The following PARD3B variants were observed in gnomAD, a reference collection of about 807,000 sequenced individuals.
PARD3B encodes partitioning defective 3 homolog B.
Under a neutral mutation model 130.2 loss-of-function variants are expected in PARD3B, and 103 were observed. The observed-to-expected ratio is 0.79, with a 90% CI of 0.67 to 0.93. PARD3B has a LOEUF of 0.93. Ranked by LOEUF, PARD3B falls within the 40% of genes least tolerant of loss-of-function variation. The probability of loss-of-function intolerance (pLI) is 0.00; values close to 1 mark genes in which losing one functional copy is unlikely to be tolerated. For synonymous variants in PARD3B, 583 were observed against 553.2 expected (o/e 1.05, Z -0.76); for missense variants, 1,609 against 1,499.2 (o/e 1.07, Z -1.21).
At chr2:205,389,058 A>G (rs1244653383) in intron 18 of PARD3B, among the ~76,000 whole-genome samples, 1 of 152,188 alleles carries the variant, frequency 6.6e-6, no homozygotes, top group Non-Finnish European at 1.5e-5. Flanking sequence ...AATTTCATAG[A>G]AACTTGTGAC....
chr2:204,631,176 T>C (rs1469417187), intron 1 of PARD3B, among the ~76,000 whole-genome samples: 1 of 152,058 alleles, frequency 6.6e-6, no homozygotes, highest in Non-Finnish European at 1.5e-5. Flanking sequence ...TTTCAAAAAA[T>C]TTCTTGATTC....
rs2039336159 is a variant in PARD3B, at chr2:205,241,162, G to GT, written c.2141-4613dup. Among the ~76,000 whole-genome samples the GT allele has an allele frequency of 6.6e-6, 1 of 152,166 alleles. No individual in the cohort carries two copies. The highest frequency in any genetic ancestry group is 2.4e-5 in the African/African-American group (1 of 41,454). On this transcript the variant is annotated intron_variant, in intron 15 of 22. Coordinates refer to ENST00000406610, the MANE Select transcript of PARD3B (RefSeq NM_001302769.2). The surrounding 1 kb of genome is among the most constrained non-coding windows in gnomAD (Gnocchi z 4.2). ...TAGAAACATAGGCCATCAGGCTGCT[G>GT]TTTCTCAAACAAGTCTTCCTGAATC... is the stretch of plus-strand genomic sequence containing the variant.
At position 205,265,069 on chromosome 2, in the gene PARD3B, G is replaced by A. The variant is rs945450477; in HGVS notation, c.2185+19247G>A. Among the ~76,000 whole-genome samples the A allele has an allele frequency of 3.5e-5, 5 of 141,772 alleles. 1 individual carries two copies. The highest frequency in any genetic ancestry group is 6.4e-5 in the Non-Finnish European group (4 of 62,970). 93.0% of individuals were successfully genotyped at this position (141,772 alleles called of 152,430 possible). A position where few individuals can be genotyped will look rare whatever the true frequency, so the allele number is the denominator to read the frequency against. ...ACAACCAGGGAAAAATATCAACAGC[G>A]AAACCGGATAGATGTGGCACCAATA... On this transcript the variant is annotated intron_variant, in intron 16 of 22. Transcript: ENST00000406610. The surrounding 1 kb of genome is among the most constrained non-coding windows in gnomAD (Gnocchi z 4.3).
At chr2:204,637,011 G>T (rs2034904931) in intron 1 of PARD3B, among the ~76,000 whole-genome samples, 1 of 152,036 alleles carries the variant, frequency 6.6e-6, no homozygotes. Flanking sequence ...TGAAATAATA[G>T]AACCATATTC....
At chr2:205,439,463 T>C (rs1482411971) in intron 19 of PARD3B, among the ~76,000 whole-genome samples, 1 of 152,224 alleles carries the variant, frequency 6.6e-6, no homozygotes, top group Non-Finnish European at 1.5e-5. Context: ...TAAGAGGCTA[T>C]AGTGACCTTT....
rs574599269 is a variant in PARD3B, at chr2:205,401,082, G to A, written c.2700G>A (p.Leu900=). ...EQKGTLKHGG[L]REEELEKMKE... is the part of the protein sequence containing the mutation. ...AAGGTACTCTGAAACATGGTGGCCT[G>A]AGAGAAGAAGAGCTGGAGAAAATGA... The change falls in exon 19 of 23, where the codon CTG becomes CTA. Residue 900 remains leucine (L), a synonymous_variant. Transcript: ENST00000406610. 21 of 1,601,862 alleles carry A rather than the reference G, an allele frequency of 1.3e-5. No individual in the cohort carries two copies. Among genetic ancestry groups the A allele is most frequent in the Middle Eastern group, 3.3e-4 (2 of 6,042 alleles).
chr2:204,886,475 G>A (rs2046274277), intron 2 of PARD3B, among the ~76,000 whole-genome samples: 1 of 152,108 alleles, frequency 6.6e-6, no homozygotes, highest in Admixed American at 6.6e-5. Flanking sequence ...AGCGCATTGG[G>A]TCTTAGTGTT....
At chr2:205,031,282 A>G (rs1391263716) in intron 3 of PARD3B, among the ~76,000 whole-genome samples, 2 of 152,190 alleles carry the variant, frequency 1.3e-5, no homozygotes, top group East Asian at 3.8e-4. Context: ...ATAGCATAGA[A>G]TGAGATGACC....
chr2:205,543,106 T>C (rs965386486), intron 21 of PARD3B, among the ~76,000 whole-genome samples: 2 of 152,172 alleles, frequency 1.3e-5, no homozygotes, highest in Non-Finnish European at 2.9e-5. Flanking sequence ...ATGAACGGAC[T>C]GATACAAAGA....
chr2:205,065,858 A>G (rs946669593), intron 4 of PARD3B, among the ~76,000 whole-genome samples: 1 of 152,196 alleles, frequency 6.6e-6, no homozygotes, highest in Non-Finnish European at 1.5e-5. Context: ...GCAGAACCAC[A>G]TGCTAAATAA....
At chr2:205,052,421 A>ATATATATATATG (rs1296642713) in intron 4 of PARD3B, among the ~76,000 whole-genome samples, 1 of 11,638 alleles carries the variant, frequency 8.6e-5, no homozygotes, top group Non-Finnish European at 1.9e-4. Context: ...ATATATATGT[A>ATATATATATATG]TATATATATA....
rs1046670206 is a variant in PARD3B at position 205,366,642 on chromosome 2, T to C, written c.2631-34371T>C. 2.6e-5 allele frequency among the ~76,000 whole-genome samples: 4 copies of C among 152,164 alleles called. No homozygotes were observed. The highest frequency in any genetic ancestry group is 5.9e-5 in the Non-Finnish European group (4 of 68,046). On this transcript the variant is annotated intron_variant, in intron 18 of 22. Transcript: ENST00000406610. This position sits in a 1 kb window ranked among gnomAD's most constrained non-coding sequence, Gnocchi z 5.0. Reference sequence around the variant, plus strand: ...TCAGCATACAGATGACACTCAAATCTGTCTCCTCTCAAGCCTAAATTCACA... The same window carrying C: ...TCAGCATACAGATGACACTCAAATCCGTCTCCTCTCAAGCCTAAATTCACA...
intron 18 of PARD3B, among the ~76,000 whole-genome samples, chr2:205,305,312 A>G (rs2042151400): frequency 1.3e-5 from 2 of 152,184 alleles, no homozygotes; most frequent in Admixed American, 1.3e-4. Flanking sequence ...GAGTGACTCC[A>G]TTCTGGTTTG....
intron 16 of PARD3B, among the ~76,000 whole-genome samples, chr2:205,297,144 T>C (rs1028564801): frequency 1.3e-5 from 2 of 152,154 alleles, no homozygotes; most frequent in African/African-American, 4.8e-5. Context: ...CAGCTATAGA[T>C]GAAAATATGA....
chr2:205,472,372 T>A (rs971275706), intron 20 of PARD3B, among the ~76,000 whole-genome samples: 1 of 144,142 alleles, frequency 6.9e-6, no homozygotes, highest in South Asian at 2.1e-4. Flanking sequence ...ACATACTTTT[T>A]CAATAATTAG....
intron 2 of PARD3B, among the ~76,000 whole-genome samples, chr2:204,783,076 C>T (rs1025108386): frequency 6.6e-6 from 1 of 152,078 alleles, no homozygotes; most frequent in Non-Finnish European, 1.5e-5. Flanking sequence ...CTCTACTTTT[C>T]CTGCTAAGCT....
intron 21 of PARD3B, among the ~76,000 whole-genome samples, chr2:205,513,102 T>C (rs2050653587): frequency 6.6e-6 from 1 of 151,892 alleles, no homozygotes; most frequent in Non-Finnish European, 1.5e-5. Context: ...ACAATATGTG[T>C]ATGTGGTTAT....
At chr2:205,211,108 T>G (rs58915278) in intron 15 of PARD3B, among the ~76,000 whole-genome samples, 41,384 of 151,814 alleles carry the variant, frequency 0.27, 6,149 homozygotes, top group East Asian at 0.39. Context: ...TTAATCTGGG[T>G]CAAGTCAATT....
Position 204,623,090 on chromosome 2 carries a change from G to A in PARD3B, c.121-63091G>A, listed in dbSNP as rs2034361159. On this transcript the variant is annotated intron_variant, in intron 1 of 22. Coordinates refer to ENST00000406610, the MANE Select transcript of PARD3B (RefSeq NM_001302769.2). The surrounding 1 kb of genome is among the most constrained non-coding windows in gnomAD (Gnocchi z 4.5). ...AAAGATTAGTGAGCATTCTTTTTGT[G>A]TAATAGTAGTTTTTGGCTGTATCCT... 1.3e-5 allele frequency among the ~76,000 whole-genome samples: 2 copies of A among 152,058 alleles called. No individual in the cohort carries two copies. The highest frequency in any genetic ancestry group is 2.9e-5 in the Non-Finnish European group (2 of 67,992).
Sources: allele counts gnomAD v4.1 joint callset (sites outside exome capture counted in the v4.1 genomes callset), GRCh38; gene constraint gnomAD v4.1.1; non-coding constraint Gnocchi (gnomAD v3.1); transcripts MANE v1.5; gene names NCBI Gene and HGNC (gene_info 2026-07-23, HGNC 2026-07-21).